Variants in ARHGAP12 observed in about 807,000 individuals in gnomAD.
ARHGAP12 encodes Rho GTPase activating protein 12, also known as rho GTPase-activating protein 12.
A neutral mutation model predicts 108.6 loss-of-function variants in ARHGAP12; 64 were observed. The observed-to-expected ratio is 0.59, with a 90% confidence interval of 0.48 to 0.73. The LOEUF is 0.73. Among genes scored for constraint, ARHGAP12 ranks in the 30% least tolerant of loss-of-function variants. The probability of loss-of-function intolerance (pLI) is 0.00; values close to 1 mark genes in which losing one functional copy is unlikely to be tolerated. For missense variants in ARHGAP12, 940 were observed against 1,005.9 expected (o/e 0.93, Z 0.89); for synonymous variants, 312 against 337.2 (o/e 0.93, Z 0.82).
chr10:31,886,686 AC>A (rs1197904772), intron 3 of ARHGAP12, among the ~76,000 whole-genome samples: 1 of 152,172 alleles, frequency 6.6e-6, no homozygotes, highest in Non-Finnish European at 1.5e-5. Context: ...TTTTTGGGGT[AC>A]TAGCACCACC....
intron 12 of ARHGAP12, among the ~76,000 whole-genome samples, chr10:31,819,588 C>G (rs1835334800): frequency 6.6e-6 from 1 of 152,168 alleles, no homozygotes; most frequent in Non-Finnish European, 1.5e-5. Flanking sequence ...CTGAGAAGCC[C>G]TGCAGGTTCC....
intron 1 of ARHGAP12, among the ~76,000 whole-genome samples, chr10:31,927,968 G>A (rs1361574709): frequency 2.0e-5 from 3 of 152,224 alleles, no homozygotes; most frequent in African/African-American, 7.2e-5. Context: ...ATAAGCTGGA[G>A]GGGAGCGAAT....
chr10:31,871,544 C>T (rs557795727), intron 3 of ARHGAP12, among the ~76,000 whole-genome samples: 2 of 152,262 alleles, frequency 1.3e-5, no homozygotes, highest in South Asian at 2.1e-4. Context: ...CACCATTTCT[C>T]CCGCCTCCCC....
rs1834851794 is a variant in ARHGAP12, at chr10:31,807,338, AG to A, written c.*319del. 5.2e-6 allele frequency: 1 copy of A among 193,722 alleles called. No homozygotes were observed. Among genetic ancestry groups the A allele is most frequent in the African/African-American group, 2.3e-5 (1 of 43,194 alleles). The allele number at this position is 193,722 out of a possible 1,614,324, so 12.0% of individuals were successfully genotyped here. A position where few individuals can be genotyped will look rare whatever the true frequency, so the allele number is the denominator to read the frequency against. ...ATCCAATTTCAGGGAAAAAAAATAC[AG>A]TTTTCTTACCAAATTATCCAGTGTA... is the stretch of plus-strand genomic sequence containing the variant. On this transcript the variant is annotated 3_prime_UTR_variant, in exon 20 of 20. Transcript: ENST00000344936.
intron 3 of ARHGAP12, among the ~76,000 whole-genome samples, chr10:31,899,280 C>T (rs1434045805): frequency 6.6e-6 from 1 of 152,194 alleles, no homozygotes; most frequent in South Asian, 2.1e-4. Context: ...CCATGAATTA[C>T]AAGACTATAG....
chr10:31,807,788 A>G lies in ARHGAP12; in HGVS notation c.2411T>C (p.Ile804Thr). ...TAGAGTGGGACCAAAAACAATTGCT[A>G]TACTCTGATAGGTCATTCGATTTTT... is the stretch of plus-strand genomic sequence containing the variant. Reference protein sequence around the residue: ...GEKNRMTYQSIAIVFGPTLLK... With the variant: ...GEKNRMTYQSTAIVFGPTLLK... The change falls in exon 20 of 20, where the codon ATA (isoleucine) becomes ACA (threonine). Residue 804 changes from isoleucine (I) to threonine (T), a missense_variant. Transcript: ENST00000344936. The G allele has an allele frequency of 6.3e-7, 1 of 1,592,864 alleles. No individual in the cohort carries two copies. The highest frequency in any genetic ancestry group is 8.5e-7 in the Non-Finnish European group (1 of 1,171,442).
chr10:31,927,140 G>T (rs1351612876), intron 1 of ARHGAP12, among the ~76,000 whole-genome samples: 1 of 152,188 alleles, frequency 6.6e-6, no homozygotes, highest in Non-Finnish European at 1.5e-5. Flanking sequence ...TGCGCAGACG[G>T]TCTGGCTCGT....
At chr10:31,830,898 A>C (rs576570276) in intron 10 of ARHGAP12, among the ~76,000 whole-genome samples, 1 of 152,350 alleles carries the variant, frequency 6.6e-6, no homozygotes, top group Admixed American at 6.5e-5. Flanking sequence ...ACAACATACT[A>C]AACTGGCGAA....
At position 31,807,465 on chromosome 10, in the gene ARHGAP12, T is replaced by A; in HGVS notation, c.*193A>T. On this transcript the variant is annotated 3_prime_UTR_variant, in exon 20 of 20. Transcript: ENST00000344936. ...GAATTCATAATTACACGCAGTTATA[T>A]CAACTTGCAACAAAGCAGCAAATAT... The A allele has an allele frequency of 2.2e-6, 1 of 452,460 alleles. No homozygotes were observed. The highest frequency in any genetic ancestry group is 3.9e-6 in the Non-Finnish European group (1 of 258,174). 28.0% of individuals were successfully genotyped at this position (452,460 alleles called of 1,614,324 possible).
chr10:31,853,969 A>G lies in ARHGAP12; in HGVS notation c.1089+97T>C, dbSNP rs767943709. The G allele has an allele frequency of 6.8e-5, 85 of 1,244,880 alleles. No homozygotes were observed. The Middle Eastern group carries it at 8.0e-4, about 12-fold the overall frequency. 77.1% of individuals were successfully genotyped at this position (1,244,880 alleles called of 1,614,324 possible). On this transcript the variant is annotated intron_variant, in intron 5 of 19. Transcript: ENST00000344936. ...TAAAGTTACAATGAAGAATATTTTC[A>G]TGAGTTTTTTCTTTTTTAAATACTA...
At chr10:31,852,200 T>G (rs775539890) in intron 6 of ARHGAP12, among the ~76,000 whole-genome samples, 3 of 152,128 alleles carry the variant, frequency 2.0e-5, no homozygotes, top group Admixed American at 2.0e-4. Flanking sequence ...TGTAGAAAAA[T>G]CAATATACTC....
rs1839232036 is a variant in ARHGAP12, at chr10:31,908,608, T to G, written c.248A>C (p.Gln83Pro). 6.2e-7 allele frequency: 1 copy of G among 1,614,118 alleles called. No homozygotes were observed. Among genetic ancestry groups the G allele is most frequent in the South Asian group, 1.1e-5 (1 of 91,094 alleles). ...TRKALMPPVK[Q>P]VAGLPNNSTK... ...GGAGTTATTTGGCAGACCAGCTACCTGCTTAACAGGTGGCATGAGAGCTTT... is the reference window on the plus strand; with the variant it reads ...GGAGTTATTTGGCAGACCAGCTACCGGCTTAACAGGTGGCATGAGAGCTTT... Residue 83 changes from glutamine to proline, a missense_variant, in exon 3 of 20, where the codon CAG (glutamine) becomes CCG (proline). Transcript: ENST00000344936.
intron 9 of ARHGAP12, among the ~76,000 whole-genome samples, chr10:31,832,711 T>C (rs1428788673): frequency 1.3e-5 from 2 of 152,220 alleles, no homozygotes; most frequent in East Asian, 3.8e-4. Context: ...TCTATTTAAC[T>C]GATTACTCTG....
rs1052036623 is a variant in ARHGAP12 at position 31,810,662 on chromosome 10, A to G, written c.2037T>C (p.His679=). The change falls in exon 16 of 20, where the codon CAT becomes CAC. Residue 679 remains histidine, a synonymous_variant. Transcript: ENST00000344936. ...VPKFVKLCIE[H]VEEHGLDIDG... ...TCCTTCTCTTACCATGTTCTTCAAC[A>G]TGTTCAATACATAACTTCACAAACT... 2.5e-6 allele frequency: 4 copies of G among 1,583,842 alleles called. No homozygotes were observed. The highest frequency in any genetic ancestry group is 1.4e-5 in the African/African-American group (1 of 72,750).
chr10:31,855,701 G>A lies in ARHGAP12; in HGVS notation c.949-1495C>T, dbSNP rs368965489. Among the ~76,000 whole-genome samples, 135 of 152,140 alleles carry A rather than the reference G, an allele frequency of 8.9e-4. 2 individuals are homozygous for A. The highest frequency in any genetic ancestry group is 3.0e-3 in the African/African-American group (124 of 41,504). On this transcript the variant is annotated intron_variant, in intron 4 of 19. Coordinates refer to ENST00000344936, the MANE Select transcript of ARHGAP12 (RefSeq NM_018287.7). ...GTAAAACTTTTAGAAACAGAAAAAGGGCAACTGAATTAGTAAAATTAATTT... is the reference window on the plus strand; with the variant it reads ...GTAAAACTTTTAGAAACAGAAAAAGAGCAACTGAATTAGTAAAATTAATTT...
chr10:31,849,971 T>C (rs960815236), intron 6 of ARHGAP12, among the ~76,000 whole-genome samples: 2 of 152,196 alleles, frequency 1.3e-5, no homozygotes, highest in African/African-American at 4.8e-5. Context: ...TAGGAGTATT[T>C]AGCTACCAGT....
chr10:31,842,118 T>C (rs1836290534), intron 7 of ARHGAP12, among the ~76,000 whole-genome samples: 1 of 152,112 alleles, frequency 6.6e-6, no homozygotes, highest in Non-Finnish European at 1.5e-5. Flanking sequence ...TTTGACATTT[T>C]ATGATGTCGA....
intron 6 of ARHGAP12, among the ~76,000 whole-genome samples, chr10:31,845,062 A>T (rs1836401728): frequency 6.6e-6 from 1 of 152,166 alleles, no homozygotes; most frequent in African/African-American, 2.4e-5. Context: ...CTGCTCTGAA[A>T]ATTTCTTTAT....
At chr10:31,894,375 A>G (rs1354064698) in intron 3 of ARHGAP12, among the ~76,000 whole-genome samples, 1 of 152,116 alleles carries the variant, frequency 6.6e-6, no homozygotes, top group Non-Finnish European at 1.5e-5. Flanking sequence ...AAATCTCCTT[A>G]AGCTGATAAG....
Sources: gnomAD v4.1 joint callset for allele counts (sites outside exome capture counted in the v4.1 genomes callset) on GRCh38, gnomAD v4.1.1 for gene constraint, MANE v1.5 for transcripts, NCBI Gene and HGNC (gene_info 2026-07-23, HGNC 2026-07-21) for gene names.